RPS6KC1: variants seen among roughly 807,000 people sequenced by gnomAD.
RPS6KC1 encodes ribosomal protein S6 kinase C1.
In RPS6KC1, 54 loss-of-function variants were observed where a neutral mutation model predicts 103.8. That is an observed-to-expected ratio of 0.52 (90% CI 0.42 to 0.65). RPS6KC1 has a LOEUF of 0.65. Ranked by LOEUF, RPS6KC1 falls within the 30% of genes least tolerant of loss-of-function variation. The probability of loss-of-function intolerance (pLI) is 0.00; values close to 1 mark genes in which losing one functional copy is unlikely to be tolerated. For missense variants in RPS6KC1, 1,151 were observed against 1,253.8 expected, an observed-to-expected ratio of 0.92 and a Z score of 1.24; for synonymous variants, 439 against 438.7, an observed-to-expected ratio of 1.00 and a Z score of -0.01.
At chr1:213,707,938 A>G in the RPS6KC1 span, among the ~76,000 whole-genome samples, 2 of 152,268 alleles carry the variant, frequency 1.3e-5, no homozygotes, top group South Asian at 4.1e-4. Flanking sequence ...TGTTTTGGTT[A>G]CTGTAGTCTT....
the RPS6KC1 span, chr1:213,794,354 CCTT>C: frequency 1.3e-5 from 2 of 152,046 alleles, no homozygotes; most frequent in Non-Finnish European, 2.9e-5. Context: ...TGGAATAAAA[CCTT>C]CTCCTCTCTG....
intron 8 of RPS6KC1, among the ~76,000 whole-genome samples, chr1:213,201,240 C>G (rs943153860): frequency 6.6e-6 from 1 of 152,184 alleles, no homozygotes; most frequent in Non-Finnish European, 1.5e-5. Context: ...GGTAAATCAA[C>G]TGTGGTACAT....
the RPS6KC1 span, among the ~76,000 whole-genome samples, chr1:213,732,505 A>G: frequency 2.0e-5 from 3 of 152,190 alleles, no homozygotes; most frequent in Admixed American, 6.5e-5. Flanking sequence ...TTATTTTCCC[A>G]GGTCCTAGCC....
At chr1:213,476,466 C>T in the RPS6KC1 span, among the ~76,000 whole-genome samples, 1 of 152,202 alleles carries the variant, frequency 6.6e-6, no homozygotes, top group Non-Finnish European at 1.5e-5. Flanking sequence ...ATTTATTTCA[C>T]CAGCTTTAAA....
the RPS6KC1 span, among the ~76,000 whole-genome samples, chr1:213,738,152 C>T: frequency 7.9e-5 from 12 of 152,254 alleles, no homozygotes; most frequent in Admixed American, 7.2e-4. Flanking sequence ...TATTTATACA[C>T]ACACACATAT....
At chr1:213,726,389 T>C in the RPS6KC1 span, among the ~76,000 whole-genome samples, 2 of 152,206 alleles carry the variant, frequency 1.3e-5, no homozygotes, top group South Asian at 2.1e-4. Flanking sequence ...GTTTTAAATA[T>C]AATTTTCAAA....
chr1:213,338,596 G>A, the RPS6KC1 span, among the ~76,000 whole-genome samples: 3 of 152,160 alleles, frequency 2.0e-5, no homozygotes, highest in Non-Finnish European at 4.4e-5. Context: ...CAAAAGAATA[G>A]ATTGGAGGTA....
At chr1:213,814,145 C>G in the RPS6KC1 span, among the ~76,000 whole-genome samples, 2 of 152,208 alleles carry the variant, frequency 1.3e-5, no homozygotes, top group Admixed American at 6.5e-5. Context: ...AGTTCCAATT[C>G]CAGTGTGTCC....
chr1:213,240,681 T>C, intron 10 of RPS6KC1, 21 bp from the exon 11 acceptor site: 1 of 1,559,478 alleles, frequency 6.4e-7, no homozygotes, highest in Non-Finnish European at 8.7e-7. Flanking sequence ...CTTTTGTTTG[T>C]TTTGTTATAC....
the RPS6KC1 span, among the ~76,000 whole-genome samples, chr1:213,743,218 G>A: frequency 6.6e-6 from 1 of 152,122 alleles, no homozygotes; most frequent in Non-Finnish European, 1.5e-5. Context: ...AAAAAAGAAT[G>A]AAACCATGTC....
chr1:213,170,081 C>A (rs538269293), intron 7 of RPS6KC1, among the ~76,000 whole-genome samples: 1 of 152,200 alleles, frequency 6.6e-6, no homozygotes, highest in East Asian at 1.9e-4. Flanking sequence ...CCACGCCTGG[C>A]CAGTATTCTA....
At chr1:213,077,004 G>A (rs1301322756) in intron 2 of RPS6KC1, among the ~76,000 whole-genome samples, 1 of 151,980 alleles carries the variant, frequency 6.6e-6, no homozygotes, top group Non-Finnish European at 1.5e-5. Flanking sequence ...CGAGTAGCTG[G>A]GATTACAGGC....
At chr1:213,582,653 T>C in the RPS6KC1 span, among the ~76,000 whole-genome samples, 1 of 152,240 alleles carries the variant, frequency 6.6e-6, no homozygotes, top group Non-Finnish European at 1.5e-5. Flanking sequence ...CAGCAGAAGA[T>C]TGAAAACTAC....
chr1:213,301,148 G>C, the RPS6KC1 span, among the ~76,000 whole-genome samples: 1 of 152,158 alleles, frequency 6.6e-6, no homozygotes, highest in African/African-American at 2.4e-5. Context: ...AATATTTGGA[G>C]ACATCTGTTG....
chr1:213,061,776 A>G (rs1213741875), intron 1 of RPS6KC1, among the ~76,000 whole-genome samples: 2 of 152,202 alleles, frequency 1.3e-5, no homozygotes, highest in Non-Finnish European at 2.9e-5. Flanking sequence ...TCTGCATATT[A>G]TTCCTGTCCC....
chr1:213,135,224 G>T (rs970799546), intron 6 of RPS6KC1, among the ~76,000 whole-genome samples: 1 of 151,988 alleles, frequency 6.6e-6, no homozygotes, highest in East Asian at 1.9e-4. Context: ...ATATTACATT[G>T]CTTTTCTTAT....
the RPS6KC1 span, among the ~76,000 whole-genome samples, chr1:213,765,145 G>A: frequency 5.3e-5 from 8 of 152,200 alleles, no homozygotes; most frequent in African/African-American, 1.9e-4. Flanking sequence ...CCCTGTTTAA[G>A]TCTGGATGCA....
At chr1:213,097,954 GT>G in intron 3 of RPS6KC1, among the ~76,000 whole-genome samples, 1 of 152,176 alleles carries the variant, frequency 6.6e-6, no homozygotes, top group Non-Finnish European at 1.5e-5. Context: ...TTAAGGGAAT[GT>G]TGGGGCTGGT....
chr1:213,367,947 G>T, the RPS6KC1 span, among the ~76,000 whole-genome samples: 2 of 152,200 alleles, frequency 1.3e-5, no homozygotes, highest in African/African-American at 4.8e-5. Context: ...TAAAATTAGG[G>T]CTGGATTTCA....
Sources: allele counts gnomAD v4.1 joint callset (sites outside exome capture counted in the v4.1 genomes callset), GRCh38; gene constraint gnomAD v4.1.1; transcripts MANE v1.5; gene names NCBI Gene and HGNC (gene_info 2026-07-23, HGNC 2026-07-21).